The following ZNF680 variants were observed in gnomAD, a reference collection of about 807,000 sequenced individuals.
ZNF680 encodes the protein hypothetical protein FLJ90430.
Under a neutral mutation model 12.1 loss-of-function variants are expected in ZNF680, and 6 were observed. The ratio of observed to expected loss-of-function variants is 0.49; its 90% CI spans 0.27 to 0.98. The LOEUF is 0.98. Among genes scored for constraint, ZNF680 ranks in the 50% least tolerant of loss-of-function variants. The probability of loss-of-function intolerance (pLI) is 0.12; values close to 1 mark genes in which losing one functional copy is unlikely to be tolerated. For missense variants in ZNF680, 561 were observed against 616.3 expected (o/e 0.91, Z 0.95); for synonymous variants, 170 against 199.3 (o/e 0.85, Z 1.24).
chr7:64,558,937 G>C (rs1347112232), intron 1 of ZNF680, among the ~76,000 whole-genome samples: 1 of 151,986 alleles, frequency 6.6e-6, no homozygotes, highest in African/African-American at 2.4e-5. Flanking sequence ...AGAGCAAGTG[G>C]GAGGGGAAGA....
chr7:64,523,274 T>C (rs530850678), intron 3 of ZNF680, among the ~76,000 whole-genome samples: 4 of 152,210 alleles, frequency 2.6e-5, no homozygotes, highest in South Asian at 2.1e-4. Context: ...TGTAATGAAA[T>C]AGAACTTTTA....
At chr7:64,519,500 A>T (rs533903192), downstream of ZNF680, among the ~76,000 whole-genome samples, 2 of 151,858 alleles carry the variant, frequency 1.3e-5, no homozygotes, top group East Asian at 3.9e-4. Context: ...TATCCAGAGG[A>T]AAAAAAGGCA....
chr7:64,554,193 C>T (rs1239710800), intron 1 of ZNF680, among the ~76,000 whole-genome samples: 4 of 149,310 alleles, frequency 2.7e-5, no homozygotes, highest in Non-Finnish European at 4.4e-5. Flanking sequence ...GCCTCTGCCC[C>T]GCCGCCCCGT....
chr7:64,526,529 C>A, intron 3 of ZNF680: 2 of 554,966 alleles, frequency 3.6e-6, no homozygotes, highest in South Asian at 3.2e-5. Context: ...TGCATATAAA[C>A]AAACAGAAAT....
At chr7:64,561,577 A>C (rs539932043) in intron 1 of ZNF680, among the ~76,000 whole-genome samples, 3 of 152,320 alleles carry the variant, frequency 2.0e-5, no homozygotes, top group Admixed American at 2.0e-4. Flanking sequence ...ACGGAAAACA[A>C]ATCTTTTAAA....
downstream of ZNF680, among the ~76,000 whole-genome samples, chr7:64,519,611 TAA>T (rs1367508146): frequency 1.3e-5 from 2 of 151,888 alleles, no homozygotes; most frequent in Non-Finnish European, 3.0e-5. Flanking sequence ...TAGTATAGTT[TAA>T]AGTCAGGTAA....
intron 3 of ZNF680, chr7:64,526,356 A>G: frequency 7.9e-7 from 1 of 1,266,838 alleles, no homozygotes; most frequent in Non-Finnish European, 1.0e-6. Context: ...AAAAGGTGAC[A>G]GTGTTATGAT....
At chr7:64,542,255 C>T (rs1786545670) in intron 3 of ZNF680, among the ~76,000 whole-genome samples, 1 of 152,150 alleles carries the variant, frequency 6.6e-6, no homozygotes, top group Non-Finnish European at 1.5e-5. Flanking sequence ...ACCTTCTAAA[C>T]CAGTTTATAA....
chr7:64,530,441 A>G (rs530757463), intron 3 of ZNF680, among the ~76,000 whole-genome samples: 1 of 152,330 alleles, frequency 6.6e-6, no homozygotes, highest in South Asian at 2.1e-4. Context: ...AAGAACTCAC[A>G]TAAAATTAAA....
intron 3 of ZNF680, among the ~76,000 whole-genome samples, chr7:64,539,153 C>T (rs562740405): frequency 8.2e-6 from 1 of 122,588 alleles, no homozygotes; most frequent in East Asian, 2.3e-4. Context: ...AAAAAAAAGC[C>T]AAAATGCTGA....
intron 3 of ZNF680, chr7:64,526,495 A>G: frequency 1.0e-6 from 1 of 963,628 alleles, no homozygotes; most frequent in Non-Finnish European, 1.6e-6. Context: ...GTTCAAGATC[A>G]GCCTGAGCAA....
At chr7:64,518,572 C>A (rs907857551), downstream of ZNF680, among the ~76,000 whole-genome samples, 1 of 151,530 alleles carries the variant, frequency 6.6e-6, no homozygotes, top group Admixed American at 6.6e-5. Flanking sequence ...AAAAGACAAT[C>A]CTAAAGTTTA....
At chr7:64,518,419 G>A (rs183077100), downstream of ZNF680, among the ~76,000 whole-genome samples, 53 of 151,876 alleles carry the variant, frequency 3.5e-4, no homozygotes, top group East Asian at 6.4e-3. Context: ...AAGAAATCAC[G>A]GACGACACAA....
downstream of ZNF680, among the ~76,000 whole-genome samples, chr7:64,515,282 CACACAT>C (rs1791326649): frequency 6.6e-6 from 1 of 151,992 alleles, no homozygotes; most frequent in African/African-American, 2.4e-5. Flanking sequence ...GTGCAACACA[CACACAT>C]ACACACACAC....
Position 64,520,920 on chromosome 7 carries a change from T to C in ZNF680, c.*241A>G. 2.5e-6 allele frequency: 1 copy of C among 406,266 alleles called. No homozygotes were observed. Among genetic ancestry groups the C allele is most frequent in the Non-Finnish European group, 4.3e-6 (1 of 230,676 alleles). 25.2% of individuals were successfully genotyped at this position (406,266 alleles called of 1,614,324 possible). Reference sequence around the variant, plus strand: ...TGGTGTTGAGTAAGATGTGAAAAGATATCAATGACTTTTTCACATTCTTTA... The same window carrying C: ...TGGTGTTGAGTAAGATGTGAAAAGACATCAATGACTTTTTCACATTCTTTA... On this transcript the variant is annotated 3_prime_UTR_variant, in exon 4 of 4. Transcript: ENST00000309683.
chr7:64,513,221 A>T, the ZNF680 span, among the ~76,000 whole-genome samples: 1 of 130,386 alleles, frequency 7.7e-6, no homozygotes, highest in Non-Finnish European at 1.5e-5. Flanking sequence ...TAAAACTACT[A>T]AAAAAAATTT....
chr7:64,562,024 G>A (rs1463895417), intron 1 of ZNF680, among the ~76,000 whole-genome samples: 1 of 150,846 alleles, frequency 6.6e-6, no homozygotes, highest in Non-Finnish European at 1.5e-5. Flanking sequence ...CACAAGGTCA[G>A]GAGTTCAAGA....
chr7:64,523,869 C>T (rs1309039223), intron 3 of ZNF680, among the ~76,000 whole-genome samples: 5 of 151,054 alleles, frequency 3.3e-5, no homozygotes, highest in South Asian at 2.1e-4. Context: ...GCTGAGATCG[C>T]GCCACTGCAC....
the ZNF680 span, among the ~76,000 whole-genome samples, chr7:64,505,968 C>T: frequency 6.6e-6 from 1 of 152,070 alleles, no homozygotes; most frequent in Non-Finnish European, 1.5e-5. Context: ...CTCTTAAAAG[C>T]ACCTCTGATT....
Sources: allele counts gnomAD v4.1 joint callset (sites outside exome capture counted in the v4.1 genomes callset), GRCh38; gene constraint gnomAD v4.1.1; transcripts MANE v1.5; gene names NCBI Gene and HGNC (gene_info 2026-07-23, HGNC 2026-07-21).